The following SH3YL1 variants were observed in gnomAD, a reference collection of about 807,000 sequenced individuals.
SH3YL1 encodes the protein SH3 domain-containing YSC84-like protein 1.
In SH3YL1, 41 loss-of-function variants were observed where a neutral mutation model predicts 45.8. The ratio of observed to expected loss-of-function variants is 0.89; its 90% confidence interval spans 0.70 to 1.16. SH3YL1 has a LOEUF of 1.16. Among genes scored for constraint, SH3YL1 ranks in the 50% most tolerant of loss-of-function variants. SH3YL1 has a pLI of 0.00. For missense variants in SH3YL1, 389 were observed against 409.6 expected, an observed-to-expected ratio of 0.95 and a Z score of 0.43; for synonymous variants, 152 against 151.4, an observed-to-expected ratio of 1.00 and a Z score of -0.03.
intron 2 of SH3YL1, among the ~76,000 whole-genome samples, 193 bp from the exon 3 acceptor site, chr2:250,037 T>C (rs896636547): frequency 3.3e-5 from 5 of 152,220 alleles, no homozygotes; most frequent in African/African-American, 1.2e-4. Flanking sequence ...GTTTTTTGTG[T>C]TTGCTATTTT....
chr2:263,615 C>T (rs1467611127), intron 1 of SH3YL1: 1 of 222,576 alleles, frequency 4.5e-6, no homozygotes, highest in Non-Finnish European at 8.9e-6. Context: ...GCGGGTTCCA[C>T]GCACATTCCA....
intron 5 of SH3YL1, among the ~76,000 whole-genome samples, chr2:233,764 C>T (rs553668637): frequency 4.6e-5 from 7 of 152,156 alleles, no homozygotes; most frequent in East Asian, 3.9e-4. Context: ...ACTGTAAACA[C>T]GGCTCAAAAA....
chr2:255,734 A>C (rs1440243617), intron 1 of SH3YL1: 1 of 152,216 alleles, frequency 6.6e-6, no homozygotes, highest in Non-Finnish European at 1.5e-5. Flanking sequence ...ACCAGGAAAA[A>C]AATCCATCCC....
intron 1 of SH3YL1, chr2:259,960 A>C (rs1048105529): frequency 6.6e-6 from 1 of 152,076 alleles, no homozygotes; most frequent in African/African-American, 2.4e-5. Context: ...CAAAATTTCT[A>C]TATTTCTATA....
At chr2:249,371 A>ATCT (rs1363567666) in intron 3 of SH3YL1, among the ~76,000 whole-genome samples, 1 of 152,250 alleles carries the variant, frequency 6.6e-6, no homozygotes, top group Non-Finnish European at 1.5e-5. Context: ...TCCATAAAAC[A>ATCT]AAAGAAAGCA....
chr2:243,554 T>C (rs1558244866), intron 4 of SH3YL1: 2 of 1,508,862 alleles, frequency 1.3e-6, no homozygotes, highest in Non-Finnish European at 1.8e-6. Context: ...TATGTAGCTG[T>C]AAATGTGTCT....
chr2:228,107 G>C (rs1667864752), intron 8 of SH3YL1, among the ~76,000 whole-genome samples: 1 of 152,174 alleles, frequency 6.6e-6, no homozygotes, highest in Admixed American at 6.5e-5. Context: ...TAGTGGCCTA[G>C]CCACAAAGGA....
chr2:232,276 T>C lies in SH3YL1; in HGVS notation c.533+825A>G, dbSNP rs185074810. On this transcript the variant is annotated intron_variant, in intron 6 of 9. Coordinates refer to ENST00000356150, the MANE Select transcript of SH3YL1 (RefSeq NM_015677.4). Reference sequence around the variant, plus strand: ...TAAATCAAACTGTATTTTAAATTGCTCTCTATTTGACATGAGAAAAGACAA... The same window carrying C: ...TAAATCAAACTGTATTTTAAATTGCCCTCTATTTGACATGAGAAAAGACAA... Among the ~76,000 whole-genome samples the C allele has an allele frequency of 5.2e-3, 794 of 151,992 alleles. 9 individuals are homozygous for C. Among genetic ancestry groups the C allele is most frequent in the African/African-American group, 0.018 (756 of 41,420 alleles).
chr2:243,203 A>G (rs1424738743), intron 4 of SH3YL1, among the ~76,000 whole-genome samples: 1 of 152,196 alleles, frequency 6.6e-6, no homozygotes, highest in Non-Finnish European at 1.5e-5. Context: ...AGAACACTTT[A>G]CCCAATAACA....
rs1273405894 is a variant in SH3YL1 at position 253,103 on chromosome 2, A to G, written c.14T>C (p.Ile5Thr). 1 of 1,527,810 alleles carries G rather than the reference A, an allele frequency of 6.5e-7. No individual in the cohort carries two copies. Among genetic ancestry groups the G allele is most frequent in the Admixed American group, 2.0e-5 (1 of 50,104 alleles). The allele number at this position is 1,527,810 out of a possible 1,614,324, so 94.6% of individuals were successfully genotyped here. The change falls in exon 2 of 10, where the codon ATA (isoleucine) becomes ACA (threonine). Residue 5 changes from isoleucine to threonine, a missense_variant. Ile to Thr is a moderately conservative substitution (Grantham distance 89). Coordinates refer to ENST00000356150, the MANE Select transcript of SH3YL1 (RefSeq NM_015677.4). The part of the protein sequence containing the change: MNNP[I>T]PSNLKSEAKK... The stretch of plus-strand genomic sequence containing the variant: ...TGCTTCTGATTTCAAATTGGAAGGT[A>G]TAGGGTTATTCACTGAAACATAACA...
intron 1 of SH3YL1, among the ~76,000 whole-genome samples, chr2:254,146 GC>G (rs1165098345): frequency 6.6e-6 from 1 of 152,014 alleles, no homozygotes; most frequent in African/African-American, 2.4e-5. Flanking sequence ...TGTTGTTCTT[GC>G]CAAAAATGTT....
intron 4 of SH3YL1, among the ~76,000 whole-genome samples, chr2:236,771 G>A (rs1393941448): frequency 1.3e-5 from 2 of 152,148 alleles, no homozygotes; most frequent in African/African-American, 2.4e-5. Flanking sequence ...ATTTTTATAT[G>A]AGTGACAGAA....
rs1572176305 is a variant in SH3YL1, at chr2:253,006, A to G, written c.111T>C (p.Pro37=). The change falls in exon 2 of 10, where the codon CCT becomes CCC. Residue 37 remains proline, a splice_region_variant and synonymous_variant. Transcript: ENST00000356150. ...TSRNGPDKII[P]AHVIAKAKGL... ...ACAGCACTCATCCTATTTACCTACC[A>G]GGAATGATCTTATCAGGTCCATTTC... 1.3e-6 allele frequency: 2 copies of G among 1,520,784 alleles called. No homozygotes were observed. The highest frequency in any genetic ancestry group is 1.8e-6 in the Non-Finnish European group (2 of 1,120,640). 94.2% of individuals were successfully genotyped at this position (1,520,784 alleles called of 1,614,324 possible). A position where few individuals can be genotyped will look rare whatever the true frequency, so the allele number is the denominator to read the frequency against.
At chr2:230,979 A>C (rs1006784094) in intron 7 of SH3YL1, 44 bp downstream of exon 7, 1 of 1,584,456 alleles carries the variant, frequency 6.3e-7, no homozygotes, top group Non-Finnish European at 8.7e-7. Flanking sequence ...CTACAGAAAG[A>C]GATTTTCTGA....
intron 7 of SH3YL1, 54 bp downstream of exon 7, chr2:230,969 C>G: frequency 6.4e-7 from 1 of 1,562,306 alleles, no homozygotes; most frequent in Non-Finnish European, 8.8e-7. Flanking sequence ...ACAGAATGTT[C>G]TACAGAAAGA....
At chr2:243,970 C>T (rs1473808499) in intron 4 of SH3YL1, among the ~76,000 whole-genome samples, 2 of 152,136 alleles carry the variant, frequency 1.3e-5, no homozygotes, top group East Asian at 3.9e-4. Context: ...CTGAACCTTT[C>T]TTTTTTCCCT....
chr2:231,530 G>A (rs1668044637), intron 6 of SH3YL1, among the ~76,000 whole-genome samples: 1 of 151,868 alleles, frequency 6.6e-6, no homozygotes, highest in Non-Finnish European at 1.5e-5. Context: ...ATACACACAA[G>A]CACATACATT....
chr2:245,902 G>A (rs1668778224), intron 4 of SH3YL1, among the ~76,000 whole-genome samples: 1 of 152,054 alleles, frequency 6.6e-6, no homozygotes, highest in South Asian at 2.1e-4. Context: ...ATAATACTGT[G>A]TATCAGTCTA....
In SH3YL1 at chr2:218,614, T is replaced by C. The variant is rs181684177; in HGVS notation, c.*197A>G. On this transcript the variant is annotated 3_prime_UTR_variant, in exon 10 of 10. Transcript: ENST00000356150. The stretch of plus-strand genomic sequence containing the variant: ...ATATTCTATGACACAGTAAGTGTGA[T>C]AAAGTTAGTACAAAGTATTTAAAGA... 12 of 535,554 alleles carry C rather than the reference T, an allele frequency of 2.2e-5. No individual in the cohort carries two copies. In the East Asian group the frequency reaches 3.6e-4, roughly 16 times the overall value. The allele number at this position is 535,554 out of a possible 1,614,324, so 33.2% of individuals were successfully genotyped here.
Sources: gnomAD v4.1 joint callset for allele counts (sites outside exome capture counted in the v4.1 genomes callset) on GRCh38, gnomAD v4.1.1 for gene constraint, MANE v1.5 for transcripts, NCBI Gene and HGNC (gene_info 2026-07-23, HGNC 2026-07-21) for gene names.